LMBR1L: variants seen among roughly 807,000 people sequenced by gnomAD.
The protein encoded by LMBR1L is limb development membrane protein 1 like, also known as protein LMBR1L.
LMBR1L carries 47 observed loss-of-function variants against 67.3 expected under a neutral mutation model. That is an observed-to-expected ratio of 0.70 (90% CI 0.55 to 0.89). The LOEUF is 0.89. Among genes scored for constraint, LMBR1L ranks in the 40% least tolerant of loss-of-function variants. The probability of loss-of-function intolerance (pLI) is 0.00; values close to 1 mark genes in which losing one functional copy is unlikely to be tolerated. For missense variants in LMBR1L, 533 were observed against 599.2 expected (o/e 0.89, Z 1.15); for synonymous variants, 247 against 250.3 (o/e 0.99, Z 0.13).
In LMBR1L at chr12:49,102,459, G is replaced by A. The variant is rs11168858; in HGVS notation, c.769+9C>T. The A allele has an allele frequency of 2.5e-6, 4 of 1,614,004 alleles. No homozygotes were observed. The highest frequency in any genetic ancestry group is 1.3e-5 in the African/African-American group (1 of 74,916). On this transcript the variant is annotated intron_variant, in intron 9 of 16. Coordinates refer to ENST00000267102, the MANE Select transcript of LMBR1L (RefSeq NM_018113.4). ...CCTACCACCCCAGCAGGGAAGAACT[G>A]CAACTTACTACAGATCCTGCGGGTC...
Position 49,097,750 on chromosome 12 carries a change from G to A in LMBR1L, c.1403-11C>T. The A allele has an allele frequency of 6.2e-7, 1 of 1,614,040 alleles. No individual in the cohort carries two copies. Among genetic ancestry groups the A allele is most frequent in the Non-Finnish European group, 8.5e-7 (1 of 1,179,942 alleles). On this transcript the variant is annotated splice_polypyrimidine_tract_variant and intron_variant, in intron 16 of 16. Coordinates refer to ENST00000267102, the MANE Select transcript of LMBR1L (RefSeq NM_018113.4). ...GCAGTCTGTCCAGCCCTGGAGAAGA[G>A]GAGATGGGCAGTCAAAAGCAAGTCA...
chr12:49,100,639 T>C lies in LMBR1L; in HGVS notation c.1090A>G (p.Met364Val), dbSNP rs745841941. Residue 364 changes from methionine to valine, a missense_variant, in exon 14 of 17, where the codon ATG becomes GTG. Met to Val is a conservative substitution (Grantham distance 21, BLOSUM62 1). Coordinates refer to ENST00000267102, the MANE Select transcript of LMBR1L (RefSeq NM_018113.4). ...TAGAAGCCCACAACTGAGGACACCATTAGGTAACTGCCACTGCATTAAGGA... is the reference window on the plus strand; with the variant it reads ...TAGAAGCCCACAACTGAGGACACCACTAGGTAACTGCCACTGCATTAAGGA... Reference protein sequence around the residue: ...VIQVVLIFYLMVSSVVGFYSS... With the variant: ...VIQVVLIFYLVVSSVVGFYSS... The C allele has an allele frequency of 1.1e-5, 18 of 1,612,678 alleles. No individual in the cohort carries two copies. The highest frequency in any genetic ancestry group is 1.5e-5 in the Non-Finnish European group (18 of 1,178,910).
intron 15 of LMBR1L, among the ~76,000 whole-genome samples, chr12:49,098,577 C>T (rs1056531274): frequency 1.3e-5 from 2 of 152,182 alleles, no homozygotes; most frequent in Admixed American, 6.5e-5. Flanking sequence ...TGAGACAACA[C>T]ACATAAAGCA....
Position 49,101,461 on chromosome 12 carries a change from C to T in LMBR1L, c.1008+11G>A, listed in dbSNP as rs1475478114. On this transcript the variant is annotated intron_variant, in intron 12 of 16. Coordinates refer to ENST00000267102, the MANE Select transcript of LMBR1L (RefSeq NM_018113.4). Reference sequence around the variant, plus strand: ...CTCCCCAAAGGATATGGTGGGAGGGCAGCCTGGTACCTGCATGCCTCGGGG... The same window carrying T: ...CTCCCCAAAGGATATGGTGGGAGGGTAGCCTGGTACCTGCATGCCTCGGGG... The T allele has an allele frequency of 1.2e-6, 2 of 1,613,534 alleles. No individual in the cohort carries two copies. The highest frequency in any genetic ancestry group is 4.5e-5 in the East Asian group (2 of 44,870).
At chr12:49,099,221 A>C (rs1939801584) in intron 15 of LMBR1L, among the ~76,000 whole-genome samples, 2 of 151,180 alleles carry the variant, frequency 1.3e-5, no homozygotes, top group Non-Finnish European at 3.0e-5. Flanking sequence ...CCACCTCCCA[A>C]GCTCAAGCAA....
chr12:49,110,246 G>A (rs1246512913), intron 1 of LMBR1L: 2 of 588,124 alleles, frequency 3.4e-6, no homozygotes, highest in African/African-American at 3.8e-5. Flanking sequence ...GAGGGGCAGG[G>A]GAGGGGCGTG....
At position 49,097,464 on chromosome 12, in the gene LMBR1L, C is replaced by A; in HGVS notation, c.*208G>T. On this transcript the variant is annotated 3_prime_UTR_variant, in exon 17 of 17. Transcript: ENST00000267102. ...CCCAGTCACCCAGCCCTACCCCATGCTGAGGCCACAGTTAAGTATGGAAAA... is the reference window on the plus strand; with the variant it reads ...CCCAGTCACCCAGCCCTACCCCATGATGAGGCCACAGTTAAGTATGGAAAA... The A allele has an allele frequency of 1.7e-6, 1 of 591,918 alleles. No individual in the cohort carries two copies. Among genetic ancestry groups the A allele is most frequent in the Non-Finnish European group, 3.0e-6 (1 of 330,838 alleles). 36.7% of individuals were successfully genotyped at this position (591,918 alleles called of 1,614,324 possible).
Position 49,097,475 on chromosome 12 carries a change from G to T in LMBR1L, c.*197C>A, listed in dbSNP as rs552872781. The T allele has an allele frequency of 5.3e-5, 32 of 606,862 alleles. No individual in the cohort carries two copies. In the East Asian group the frequency reaches 8.9e-4, roughly 17 times the overall value. The allele number at this position is 606,862 out of a possible 1,614,324, so 37.6% of individuals were successfully genotyped here. A position where few individuals can be genotyped will look rare whatever the true frequency, so the allele number is the denominator to read the frequency against. ...AGCCCTACCCCATGCTGAGGCCACA[G>T]TTAAGTATGGAAAAGCAGGAGGTCC... On this transcript the variant is annotated 3_prime_UTR_variant, in exon 17 of 17. Coordinates refer to ENST00000267102, the MANE Select transcript of LMBR1L (RefSeq NM_018113.4).
intron 13 of LMBR1L, 121 bp downstream of exon 13, chr12:49,101,129 C>T: frequency 6.3e-7 from 1 of 1,590,814 alleles, no homozygotes; most frequent in Non-Finnish European, 8.5e-7. Flanking sequence ...GAAAACTTGC[C>T]CCACTTCCCA....
chr12:49,105,265 C>T, intron 3 of LMBR1L: 1 of 242,942 alleles, frequency 4.1e-6, no homozygotes, highest in South Asian at 6.5e-5. Context: ...TCTGAGCTTA[C>T]CTCTTTTAGC....
rs202032847 is a variant in LMBR1L at position 49,098,014 on chromosome 12, T to C, written c.1332A>G (p.Ala444=). Residue 444 remains alanine, a synonymous_variant, in exon 16 of 17, where the codon GCA becomes GCG. Transcript: ENST00000267102. ...YIVFLYNAAF[A]GLTTLCLVKT... is the part of the protein sequence containing the mutation. ...TCACCAGACAGAGTGTGGTGAGGCC[T>C]GCAAAGGCTGCGTTGTAGAGGAACA... 6.9e-5 allele frequency: 111 copies of C among 1,614,094 alleles called. No individual in the cohort carries two copies. The highest frequency in any genetic ancestry group is 1.3e-4 in the Admixed American group (8 of 60,010).
chr12:49,100,391 G>C lies in LMBR1L; in HGVS notation c.1237C>G (p.Leu413Val). The change falls in exon 15 of 17, where the codon CTG (leucine) becomes GTG (valine). Residue 413 changes from leucine to valine, a missense_variant. By Grantham distance (32) the Leu-to-Val change is conservative. Transcript: ENST00000267102. ...ATCTCCTCCTTTCAATACTTACCCA[G>C]GGTTCGAGAGAAGACAGGAAGTGCT... ...SSALPVFSRT[L>V]GLTRFDLLGD... The C allele has an allele frequency of 6.2e-7, 1 of 1,612,248 alleles. No individual in the cohort carries two copies.
At position 49,100,556 on chromosome 12, in the gene LMBR1L, C is replaced by T. The variant is rs1191296795; in HGVS notation, c.1173G>A (p.Gln391=). ...RPRWHDTAMT[Q]IIGNCVCLLV... Reference sequence around the variant, plus strand: ...GCTTCCCTTACTCCCTCCCAGCTACCTGCGTCATGGCAGTGTCGTGCCATC... The same window carrying T: ...GCTTCCCTTACTCCCTCCCAGCTACTTGCGTCATGGCAGTGTCGTGCCATC... Residue 391 remains glutamine, a splice_region_variant and synonymous_variant, in exon 14 of 17, where the codon CAG becomes CAA. Transcript: ENST00000267102. 2 of 1,614,046 alleles carry T rather than the reference C, an allele frequency of 1.2e-6. No homozygotes were observed. Among genetic ancestry groups the T allele is most frequent in the Admixed American group, 3.3e-5 (2 of 60,016 alleles).
rs200153711 is a variant in LMBR1L at position 49,101,482 on chromosome 12, C to T, written c.998G>A (p.Arg333Gln). ...ELLIDEAAMP[R>Q]GMQGTSLGQV... ...AGGGCAGCCTGGTACCTGCATGCCTCGGGGCATGGCAGCCTCATCGATGAG... is the reference window on the plus strand; with the variant it reads ...AGGGCAGCCTGGTACCTGCATGCCTTGGGGCATGGCAGCCTCATCGATGAG... The change falls in exon 12 of 17, where the codon CGA (arginine) becomes CAA (glutamine). Residue 333 changes from arginine to glutamine, a missense_variant. This residue lies in a region of LMBR1L where 223 missense variants were observed against 241.2 expected (regional missense o/e 0.92). Coordinates refer to ENST00000267102, the MANE Select transcript of LMBR1L (RefSeq NM_018113.4). 38 of 1,613,872 alleles carry T rather than the reference C, an allele frequency of 2.4e-5. No individual in the cohort carries two copies. In the East Asian group the frequency reaches 6.2e-4, roughly 27 times the overall value.
At position 49,097,350 on chromosome 12, in the gene LMBR1L, A is replaced by C; in HGVS notation, c.*322T>G. 3.0e-6 allele frequency: 1 copy of C among 332,308 alleles called. No individual in the cohort carries two copies. 20.6% of individuals were successfully genotyped at this position (332,308 alleles called of 1,614,324 possible). A position where few individuals can be genotyped will look rare whatever the true frequency, so the allele number is the denominator to read the frequency against. On this transcript the variant is annotated 3_prime_UTR_variant, in exon 17 of 17. Coordinates refer to ENST00000267102, the MANE Select transcript of LMBR1L (RefSeq NM_018113.4). ...CTGCCCCTACCCCACCCTATTGCAC[A>C]TCAAATCATGTAAACATGGCTATGG...
chr12:49,107,147 A>T lies in LMBR1L; in HGVS notation c.73-102T>A. ...TTCCAGGCCATCACTTCCTCAAGAT[A>T]AGGCTCCATACTTCCAAGGGTTCCA... On this transcript the variant is annotated intron_variant, in intron 1 of 16. Transcript: ENST00000267102. The T allele has an allele frequency of 4.0e-6, 3 of 757,108 alleles. 1 individual carries two copies. The South Asian group carries it at 4.7e-5, about 12-fold the overall frequency. 46.9% of individuals were successfully genotyped at this position (757,108 alleles called of 1,614,324 possible).
rs564272979 is a variant in LMBR1L, at chr12:49,107,039, T to C, written c.79A>G (p.Thr27Ala). The C allele has an allele frequency of 2.5e-6, 4 of 1,611,074 alleles. No homozygotes were observed. The highest frequency in any genetic ancestry group is 2.2e-5 in the South Asian group (2 of 91,046). Residue 27 changes from threonine (T) to alanine (A), a missense_variant, in exon 2 of 17, where the codon ACA (threonine) becomes GCA (alanine). Thr to Ala is a moderately conservative substitution (Grantham distance 58). Around this residue, in one of 3 missense-constraint regions of LMBR1L, gnomAD observed 246 missense variants for 249.0 expected, o/e 0.99. Transcript: ENST00000267102. ...HERIRECIISTLLFATLYILC... is the reference protein window; with the variant it reads ...HERIRECIISALLFATLYILC... ...ATGTACAGTGTTGCAAACAGAAGTG[T>C]TGATATCTGTAGCAGAATATGAGCT...
In LMBR1L at chr12:49,097,905, T is replaced by C. The variant is rs200520975; in HGVS notation, c.1402+39A>G. ...CATGTTCCAGAGTGTCCTAGATGATTACCACCCCCCACTAGCCTGCACCCT... is the reference window on the plus strand; with the variant it reads ...CATGTTCCAGAGTGTCCTAGATGATCACCACCCCCCACTAGCCTGCACCCT... On this transcript the variant is annotated intron_variant, in intron 16 of 16. Coordinates refer to ENST00000267102, the MANE Select transcript of LMBR1L (RefSeq NM_018113.4). 1.6e-3 allele frequency: 2,509 copies of C among 1,597,308 alleles called. 11 individuals are homozygous for C. Among genetic ancestry groups the C allele is most frequent in the South Asian group, 2.2e-3 (198 of 89,728 alleles).
At position 49,102,959 on chromosome 12, in the gene LMBR1L, G is replaced by C. The variant is rs772510548; in HGVS notation, c.632-8C>G. 1.2e-6 allele frequency: 2 copies of C among 1,613,906 alleles called. No individual in the cohort carries two copies. Among genetic ancestry groups the C allele is most frequent in the Non-Finnish European group, 8.5e-7 (1 of 1,179,868 alleles). ...GACCCAGTGGAGTACACACTGTAGG[G>C]ACAAGAGCCAGTCACTTGCCAGACC... On this transcript the variant is annotated splice_polypyrimidine_tract_variant and splice_region_variant and intron_variant, in intron 7 of 16. Coordinates refer to ENST00000267102, the MANE Select transcript of LMBR1L (RefSeq NM_018113.4).
Sources: allele counts gnomAD v4.1 joint callset (sites outside exome capture counted in the v4.1 genomes callset), GRCh38; gene constraint gnomAD v4.1.1; regional missense constraint gnomAD v4.1.1; transcripts MANE v1.5; gene names NCBI Gene and HGNC (gene_info 2026-07-23, HGNC 2026-07-21).